Variants in ZNF892 observed in about 807,000 individuals in gnomAD.
ZNF892 encodes the protein zinc finger protein 892, also known as zinc finger protein 570-like.
chr2:95,260,877 C>T, the ZNF892 span, among the ~76,000 whole-genome samples: 12 of 152,176 alleles, frequency 7.9e-5, no homozygotes, highest in African/African-American at 1.2e-4. Flanking sequence ...GGCCAAACCC[C>T]GCTTTGGCAC....
the ZNF892 span, among the ~76,000 whole-genome samples, chr2:95,216,576 C>G: frequency 6.6e-6 from 1 of 151,994 alleles, no homozygotes; most frequent in East Asian, 1.9e-4. Flanking sequence ...TTTTGAAATA[C>G]CTTTTACCAT....
the ZNF892 span, chr2:95,215,716 C>T: frequency 5.0e-6 from 2 of 397,276 alleles, no homozygotes; most frequent in Admixed American, 8.8e-5. Context: ...ATTGACAAGT[C>T]ATTGCTGATG....
At chr2:95,223,051 G>A in the ZNF892 span, among the ~76,000 whole-genome samples, 12 of 152,334 alleles carry the variant, frequency 7.9e-5, no homozygotes, top group Non-Finnish European at 1.5e-4. Flanking sequence ...ATTGATCATA[G>A]TTAAGCGGGT....
chr2:95,256,016 G>T, the ZNF892 span, among the ~76,000 whole-genome samples: 1 of 152,128 alleles, frequency 6.6e-6, no homozygotes, highest in South Asian at 2.1e-4. Context: ...ACGCTGATGG[G>T]TCTTGACTCT....
At chr2:95,235,019 C>T in the ZNF892 span, among the ~76,000 whole-genome samples, 1 of 152,138 alleles carries the variant, frequency 6.6e-6, no homozygotes, top group African/African-American at 2.4e-5. Flanking sequence ...CAGAATTGAA[C>T]TGAATTGGAG....
At chr2:95,262,346 C>G in the ZNF892 span, among the ~76,000 whole-genome samples, 2 of 152,208 alleles carry the variant, frequency 1.3e-5, no homozygotes, top group Non-Finnish European at 2.9e-5. Context: ...AGTGTCTACA[C>G]TCCCTTCTCC....
chr2:95,213,933 T>C, the ZNF892 span, among the ~76,000 whole-genome samples: 2 of 152,186 alleles, frequency 1.3e-5, no homozygotes, highest in African/African-American at 4.8e-5. Context: ...GTCAGATGGG[T>C]ACAGTGAGTC....
the ZNF892 span, among the ~76,000 whole-genome samples, chr2:95,233,391 C>G: frequency 2.6e-5 from 4 of 151,354 alleles, no homozygotes; most frequent in African/African-American, 9.7e-5. Flanking sequence ...AAAAACATCT[C>G]GGCCGGGCGC....
At chr2:95,227,900 C>A in the ZNF892 span, among the ~76,000 whole-genome samples, 1 of 152,130 alleles carries the variant, frequency 6.6e-6, no homozygotes, top group African/African-American at 2.4e-5. Flanking sequence ...CTTCTATGAG[C>A]AAGTACATTC....
the ZNF892 span, among the ~76,000 whole-genome samples, chr2:95,246,761 G>A: frequency 6.6e-6 from 1 of 152,056 alleles, no homozygotes; most frequent in Admixed American, 6.6e-5. Flanking sequence ...TATTCATAAT[G>A]GCTATAAAAA....
chr2:95,249,514 T>C, the ZNF892 span, among the ~76,000 whole-genome samples: 2 of 151,706 alleles, frequency 1.3e-5, no homozygotes, highest in Admixed American at 6.6e-5. Context: ...CCCAAAGTGC[T>C]GAGATTACAG....
chr2:95,231,816 C>T, the ZNF892 span, among the ~76,000 whole-genome samples: 1 of 152,048 alleles, frequency 6.6e-6, no homozygotes, highest in African/African-American at 2.4e-5. Flanking sequence ...TTCAGCCTCA[C>T]CAGGTGGCAG....
the ZNF892 span, among the ~76,000 whole-genome samples, chr2:95,219,346 C>T: frequency 6.6e-6 from 1 of 152,036 alleles, no homozygotes; most frequent in African/African-American, 2.4e-5. Flanking sequence ...ACTAGATCTT[C>T]CCTCTGTCCT....
At chr2:95,235,234 T>C in the ZNF892 span, among the ~76,000 whole-genome samples, 1 of 152,192 alleles carries the variant, frequency 6.6e-6, no homozygotes, top group Non-Finnish European at 1.5e-5. Flanking sequence ...AGGCATCCAG[T>C]CAAGATTTCT....
At chr2:95,245,245 ATTTTTTT>A in the ZNF892 span, among the ~76,000 whole-genome samples, 2 of 77,740 alleles carry the variant, frequency 2.6e-5, no homozygotes, top group Non-Finnish European at 4.8e-5. Context: ...CCTGGAGCTG[ATTTTTTT>A]TTTTTTTTTT....
At chr2:95,262,209 G>T in the ZNF892 span, among the ~76,000 whole-genome samples, 1 of 152,158 alleles carries the variant, frequency 6.6e-6, no homozygotes, top group African/African-American at 2.4e-5. Flanking sequence ...AGAAGTGAGG[G>T]AGAACAGCCA....
the ZNF892 span, among the ~76,000 whole-genome samples, chr2:95,246,467 C>G: frequency 3.9e-5 from 6 of 152,162 alleles, no homozygotes; most frequent in African/African-American, 9.7e-5. Context: ...CAAGGATGCT[C>G]TCTCTCACCA....
the ZNF892 span, among the ~76,000 whole-genome samples, chr2:95,237,050 C>T: frequency 1.3e-5 from 2 of 151,846 alleles, no homozygotes; most frequent in South Asian, 2.1e-4. Flanking sequence ...GTGCTCCCTT[C>T]GTGTCTCTGT....
chr2:95,245,153 C>T, the ZNF892 span, among the ~76,000 whole-genome samples: 3 of 150,820 alleles, frequency 2.0e-5, no homozygotes, highest in African/African-American at 7.3e-5. Context: ...AGCAAACAAA[C>T]TGCAGAAGAC....
Sources: gnomAD v4.1 joint callset for allele counts (sites outside exome capture counted in the v4.1 genomes callset) on GRCh38, gnomAD v4.1.1 for gene constraint, MANE v1.5 for transcripts, NCBI Gene and HGNC (gene_info 2026-07-23, HGNC 2026-07-21) for gene names.